Variants in ROBO1 observed in about 807,000 individuals in gnomAD.
ROBO1 encodes roundabout guidance receptor 1, also known as roundabout homolog 1.
In ROBO1, 149 loss-of-function variants were observed where a neutral mutation model predicts 195.9. The ratio of observed to expected loss-of-function variants is 0.76; its 90% CI spans 0.67 to 0.87. The LOEUF is 0.87. Ranked by LOEUF, ROBO1 falls within the 40% of genes least tolerant of loss-of-function variation. The pLI is 0.00. For synonymous variants in ROBO1, 816 were observed against 733.2 expected, an observed-to-expected ratio of 1.11 and a Z score of -1.82; for missense variants, 1,933 against 2,068.3, an observed-to-expected ratio of 0.93 and a Z score of 1.27.
At chr3:78,653,579 G>A (rs1005017918) in intron 18 of ROBO1, among the ~76,000 whole-genome samples, 1 of 152,212 alleles carries the variant, frequency 6.6e-6, no homozygotes, top group Non-Finnish European at 1.5e-5. Context: ...ATCTGCCCTT[G>A]TCGGCACTCC....
chr3:79,715,506 A>G (rs2107259512), intron 1 of ROBO1, among the ~76,000 whole-genome samples: 1 of 152,234 alleles, frequency 6.6e-6, no homozygotes, highest in East Asian at 1.9e-4. Context: ...TAACATATGT[A>G]CTTTTTTAGA....
chr3:79,170,690 C>A (rs1333831740), intron 2 of ROBO1, among the ~76,000 whole-genome samples: 1 of 151,808 alleles, frequency 6.6e-6, no homozygotes, highest in East Asian at 1.9e-4. Flanking sequence ...GTTATTATTA[C>A]CAGTGAATTA....
intron 5 of ROBO1, among the ~76,000 whole-genome samples, chr3:78,720,357 T>C (rs1286044826): frequency 6.6e-6 from 1 of 152,234 alleles, no homozygotes; most frequent in Non-Finnish European, 1.5e-5. Flanking sequence ...TCATCATCAC[T>C]GGCCATCAGA....
At position 79,066,816 on chromosome 3, in the gene ROBO1, G is replaced by A. The variant is rs77497915; in HGVS notation, c.172+58640C>T. Among the ~76,000 whole-genome samples, 623 of 151,926 alleles carry A rather than the reference G, an allele frequency of 4.1e-3. 8 individuals are homozygous for A. The highest frequency in any genetic ancestry group is 0.014 in the African/African-American group (582 of 41,478). ...TTTAGAGGGAGCCCTAGCATGCCTC[G>A]AAATCCTGTCATCATTCTCAGCAGA... On this transcript the variant is annotated intron_variant, in intron 3 of 30. Transcript: ENST00000464233.
chr3:79,243,171 T>C (rs1163361057), intron 2 of ROBO1, among the ~76,000 whole-genome samples: 1 of 152,112 alleles, frequency 6.6e-6, no homozygotes, highest in Non-Finnish European at 1.5e-5. Flanking sequence ...ACTCATCATT[T>C]TTTACGGCTG....
rs111992812 is a variant in ROBO1 at position 78,729,713 on chromosome 3, A to T, written c.658-11830T>A. ...CTAGAACCCCAAAGTGAATCCTATA[A>T]AAGGAGGCAATATAAAGAGTGGTTT... On this transcript the variant is annotated intron_variant, in intron 5 of 30. Coordinates refer to ENST00000464233, the MANE Select transcript of ROBO1 (RefSeq NM_002941.4). 6.5e-3 allele frequency among the ~76,000 whole-genome samples: 997 copies of T among 152,300 alleles called. 7 individuals are homozygous for T. Among genetic ancestry groups the T allele is most frequent in the African/African-American group, 0.023 (965 of 41,566 alleles).
At chr3:79,463,764 A>G (rs1288084200) in intron 2 of ROBO1, among the ~76,000 whole-genome samples, 1 of 152,200 alleles carries the variant, frequency 6.6e-6, no homozygotes, top group East Asian at 1.9e-4. Flanking sequence ...CATTTTTACA[A>G]CTAAAATGTT....
chr3:78,980,852 T>G (rs1199354337), intron 3 of ROBO1, among the ~76,000 whole-genome samples: 1 of 152,170 alleles, frequency 6.6e-6, no homozygotes, highest in Non-Finnish European at 1.5e-5. Flanking sequence ...AGAGATAATA[T>G]TAACTATGAG....
chr3:79,301,032 G>C (rs1019801472), intron 2 of ROBO1, among the ~76,000 whole-genome samples: 2 of 152,102 alleles, frequency 1.3e-5, no homozygotes, highest in African/African-American at 2.4e-5. Flanking sequence ...CAGGCTGCCC[G>C]AGCCAGCAGT....
At chr3:79,257,401 T>C (rs2082854723) in intron 2 of ROBO1, among the ~76,000 whole-genome samples, 1 of 148,426 alleles carries the variant, frequency 6.7e-6, no homozygotes. Flanking sequence ...GGGGCAGCAG[T>C]AGAGTAAATT....
chr3:79,200,436 A>C (rs958484648), intron 2 of ROBO1, among the ~76,000 whole-genome samples: 1 of 151,866 alleles, frequency 6.6e-6, no homozygotes, highest in African/African-American at 2.4e-5. Context: ...TATATTTTAT[A>C]TATATGATTC....
At chr3:79,350,661 A>G (rs745331616) in intron 2 of ROBO1, among the ~76,000 whole-genome samples, 1 of 152,218 alleles carries the variant, frequency 6.6e-6, no homozygotes, top group Non-Finnish European at 1.5e-5. Flanking sequence ...CCTTGAAAAC[A>G]TCATGCTACA....
chr3:79,656,997 T>C (rs1946186521), intron 1 of ROBO1, among the ~76,000 whole-genome samples: 1 of 152,156 alleles, frequency 6.6e-6, no homozygotes, highest in Admixed American at 6.6e-5. Context: ...ATGATCAAAC[T>C]ACATCTATTC....
chr3:78,632,229 G>A (rs1705227853), intron 24 of ROBO1, among the ~76,000 whole-genome samples: 1 of 152,074 alleles, frequency 6.6e-6, no homozygotes, highest in African/African-American at 2.4e-5. Flanking sequence ...CCTTCTCCAA[G>A]TCATGTAATA....
At chr3:79,682,001 C>T (rs1188129565) in intron 1 of ROBO1, among the ~76,000 whole-genome samples, 9 of 151,884 alleles carry the variant, frequency 5.9e-5, no homozygotes, top group African/African-American at 1.4e-4. Context: ...AACTTAGGGG[C>T]TTTAATTTAG....
chr3:78,844,239 A>G (rs532604527), intron 4 of ROBO1, among the ~76,000 whole-genome samples: 7 of 152,254 alleles, frequency 4.6e-5, no homozygotes, highest in Non-Finnish European at 1.0e-4. Context: ...TTAGAACTAA[A>G]CTAAACGGAG....
rs573252600 is a variant in ROBO1 at position 78,752,727 on chromosome 3, C to T, written c.500-5827G>A. Among the ~76,000 whole-genome samples the T allele has an allele frequency of 3.3e-5, 5 of 152,136 alleles. No individual in the cohort carries two copies. In the South Asian group the frequency reaches 8.3e-4, roughly 25 times the overall value. On this transcript the variant is annotated intron_variant, in intron 4 of 30. Coordinates refer to ENST00000464233, the MANE Select transcript of ROBO1 (RefSeq NM_002941.4). ...AAAATAATATTCCATCAAATATTAT[C>T]CATCTTACAACACCATCTTCTAAAG...
chr3:79,559,826 A>G (rs947822072), intron 2 of ROBO1, among the ~76,000 whole-genome samples: 9 of 152,120 alleles, frequency 5.9e-5, no homozygotes, highest in African/African-American at 2.2e-4. Flanking sequence ...CTGAGGCAGG[A>G]GAATTGCTTG....
intron 2 of ROBO1, among the ~76,000 whole-genome samples, chr3:79,509,245 AT>A (rs987986852): frequency 7.3e-5 from 11 of 149,888 alleles, no homozygotes; most frequent in African/African-American, 2.2e-4. Flanking sequence ...CTACTTTATT[AT>A]TTTTTTTTTC....
Sources: allele counts gnomAD v4.1 joint callset (sites outside exome capture counted in the v4.1 genomes callset), GRCh38; gene constraint gnomAD v4.1.1; transcripts MANE v1.5; gene names NCBI Gene and HGNC (gene_info 2026-07-23, HGNC 2026-07-21).